SEMA4D: variants seen among roughly 807,000 people sequenced by gnomAD.
SEMA4D encodes the protein semaphorin-4D.
A neutral mutation model predicts 74.8 loss-of-function variants in SEMA4D; 22 were observed. The observed-to-expected ratio is 0.29, with a 90% CI of 0.21 to 0.42. SEMA4D has a LOEUF of 0.42. Among genes scored for constraint, SEMA4D ranks in the 10% least tolerant of loss-of-function variants. The pLI, the probability that SEMA4D is intolerant of heterozygous loss-of-function variation, is 1.00. For missense variants in SEMA4D, 937 were observed against 1,118.4 expected (o/e 0.84, Z 2.31); for synonymous variants, 445 against 463.7 (o/e 0.96, Z 0.52).
chr9:89,422,604 C>T lies in SEMA4D; in HGVS notation c.-243-16905G>A, dbSNP rs117211440. The stretch of plus-strand genomic sequence containing the variant: ...TCCCCGTGCCGTTTATTACGTGGTG[C>T]CCTCAGCAGCCTGTCACGGCTGTGC... On this transcript the variant is annotated intron_variant, in intron 2 of 15. Coordinates refer to ENST00000422704, the MANE Select transcript of SEMA4D (RefSeq NM_001371194.2). 1.1e-3 allele frequency among the ~76,000 whole-genome samples: 165 copies of T among 152,356 alleles called. 5 individuals carry two copies. In the East Asian group the frequency reaches 0.031, roughly 28 times the overall value.
intron 2 of SEMA4D, among the ~76,000 whole-genome samples, chr9:89,416,921 CT>C (rs912635998): frequency 1.3e-5 from 2 of 152,088 alleles, no homozygotes; most frequent in African/African-American, 4.8e-5. Context: ...CTTGCCATAC[CT>C]TTGACCTTTT....
rs536031411 is a variant in SEMA4D, at chr9:89,404,640, T to A, written c.106+711A>T. 2.8e-5 allele frequency among the ~76,000 whole-genome samples: 4 copies of A among 142,646 alleles called. No individual in the cohort carries two copies. In the East Asian group the frequency reaches 8.6e-4, roughly 31 times the overall value. The allele number at this position is 142,646 out of a possible 152,430, so 93.6% of individuals were successfully genotyped here. A position where few individuals can be genotyped will look rare whatever the true frequency, so the allele number is the denominator to read the frequency against. ...AGCATCCCAGGAAGTGGAGTCCCCA[T>A]CCCGACCTCAGCCACTCACCTCAGC... On this transcript the variant is annotated intron_variant, in intron 3 of 15. Transcript: ENST00000422704.
At chr9:89,473,309 T>C (rs1463685397) in intron 1 of SEMA4D, among the ~76,000 whole-genome samples, 3 of 152,180 alleles carry the variant, frequency 2.0e-5, no homozygotes, top group Non-Finnish European at 2.9e-5. Context: ...GCACAGGGTC[T>C]GACGCCTGTA....
chr9:89,459,169 C>G (rs1237669504), intron 1 of SEMA4D, among the ~76,000 whole-genome samples: 1 of 152,170 alleles, frequency 6.6e-6, no homozygotes, highest in East Asian at 1.9e-4. Context: ...TCTCATACTG[C>G]GGCCTGCAGC....
chr9:89,418,993 C>T (rs958961096), intron 2 of SEMA4D, among the ~76,000 whole-genome samples: 1 of 150,094 alleles, frequency 6.7e-6, no homozygotes, highest in African/African-American at 2.4e-5. Context: ...CCGTCCCTCC[C>T]ACCCAGGCCC....
chr9:89,437,329 C>T (rs1467975653), intron 2 of SEMA4D, among the ~76,000 whole-genome samples: 3 of 152,126 alleles, frequency 2.0e-5, no homozygotes, highest in Non-Finnish European at 4.4e-5. Context: ...TGCCCTCAGC[C>T]TGTAAGGAAG....
Position 89,379,626 on chromosome 9 carries a change from T to C in SEMA4D, c.1667A>G (p.Lys556Arg). Residue 556 changes from lysine (K) to arginine (R), a missense_variant, in exon 16 of 16, where the codon AAA becomes AGA. By Grantham distance (26) the Lys-to-Arg change is conservative (BLOSUM62 2). Transcript: ENST00000422704. ...ATGCTGCCGGTAACTTCCTTTACTT[T>C]TATCTGGAACATCAAAATAAACGTG... ...MSGDASVCPD[K>R]SKGSYRQHFF... The C allele has an allele frequency of 1.2e-6, 2 of 1,604,404 alleles. No individual in the cohort carries two copies.
chr9:89,488,715 A>G (rs1410475637), intron 1 of SEMA4D, among the ~76,000 whole-genome samples: 1 of 152,196 alleles, frequency 6.6e-6, no homozygotes, highest in Non-Finnish European at 1.5e-5. Flanking sequence ...AAATTACCAC[A>G]TTTTCAGAAG....
At chr9:89,496,226 G>A (rs543769354) in intron 1 of SEMA4D, among the ~76,000 whole-genome samples, 1 of 152,342 alleles carries the variant, frequency 6.6e-6, no homozygotes, top group African/African-American at 2.4e-5. Flanking sequence ...AACAGACTCT[G>A]GGTGTGCTTC....
rs939877744 is a variant in SEMA4D at position 89,492,442 on chromosome 9, C to T, written c.-310+5477G>A. 6.6e-6 allele frequency among the ~76,000 whole-genome samples: 1 copy of T among 152,114 alleles called. No homozygotes were observed. Among genetic ancestry groups the T allele is most frequent in the East Asian group, 1.9e-4 (1 of 5,188 alleles). On this transcript the variant is annotated intron_variant, in intron 1 of 15. Transcript: ENST00000422704. This position sits in a 1 kb window ranked among gnomAD's most constrained non-coding sequence, Gnocchi z 4.3. ...TTTCAAAATGTCATCTCTATAGCTA[C>T]AATATATTGCCAAGATTAGGGTCCC...
At chr9:89,487,628 G>A (rs549234092) in intron 1 of SEMA4D, among the ~76,000 whole-genome samples, 13 of 152,250 alleles carry the variant, frequency 8.5e-5, no homozygotes, top group African/African-American at 3.1e-4. Flanking sequence ...GAAAGATCTT[G>A]AGGGACTACA....
intron 16 of SEMA4D, chr9:89,368,269 G>A (rs1279129742): frequency 1.3e-5 from 2 of 152,310 alleles, no homozygotes; most frequent in African/African-American, 4.8e-5. Context: ...CCCCAGAGGG[G>A]CCATTCTCTG....
At chr9:89,424,754 C>T (rs904777335) in intron 2 of SEMA4D, among the ~76,000 whole-genome samples, 9 of 152,100 alleles carry the variant, frequency 5.9e-5, no homozygotes, top group Admixed American at 2.0e-4. Context: ...CCTGTGAGGC[C>T]TCCACCTGGC....
In SEMA4D at chr9:89,381,218, G is replaced by T. The variant is rs746191711; in HGVS notation, c.1575C>A (p.Pro525=). The change falls in exon 14 of 16, where the codon CCC becomes CCA. Residue 525 remains proline, a synonymous_variant. Coordinates refer to ENST00000422704, the MANE Select transcript of SEMA4D (RefSeq NM_001371194.2). This position sits in a 1 kb window ranked among gnomAD's most constrained non-coding sequence, Gnocchi z 4.6. ...GGTGCAGAGCCACGCAGGTCGCTGT[G>T]GGCGGGCTCCAGGCGCAGTAGGGGT... The part of the protein sequence containing the change: ...ARDPYCAWSP[P]TATCVALHQT... 6 of 1,608,370 alleles carry T rather than the reference G, an allele frequency of 3.7e-6. No individual in the cohort carries two copies. The East Asian group carries it at 1.3e-4, about 36-fold the overall frequency.
In SEMA4D at chr9:89,377,723, T is replaced by A. The variant is rs1360237823; in HGVS notation, c.*981A>T. ...CAAAGGCGCCCTTGTGAAGGTTCCA[T>A]CTGTCTCACAGGAGGTTCTGACCGA... On this transcript the variant is annotated 3_prime_UTR_variant, in exon 16 of 16. Transcript: ENST00000422704. 6.6e-6 allele frequency: 1 copy of A among 152,076 alleles called. No individual in the cohort carries two copies. The highest frequency in any genetic ancestry group is 1.5e-5 in the Non-Finnish European group (1 of 68,036). 9.4% of individuals were successfully genotyped at this position (152,076 alleles called of 1,614,324 possible).
intron 16 of SEMA4D, chr9:89,364,724 A>G (rs1027195419): frequency 2.2e-4 from 34 of 152,814 alleles, no homozygotes; most frequent in African/African-American, 7.2e-4. Flanking sequence ...ATCTGTTGCA[A>G]CCTGCCAGGG....
chr9:89,461,700 CTTTTTTTTTT>C lies in SEMA4D; in HGVS notation c.-309-5757_-309-5748del, dbSNP rs61696689. ...GGGCCAATGTGTATTTCTTTTTTCTCTTTTTTTTTTTTTTTTTTTGGAGACAGAGTCTCGC... is the reference window on the plus strand; with the variant it reads ...GGGCCAATGTGTATTTCTTTTTTCTCTTTTTTTTTGGAGACAGAGTCTCGC... On this transcript the variant is annotated intron_variant, in intron 1 of 15. Coordinates refer to ENST00000422704, the MANE Select transcript of SEMA4D (RefSeq NM_001371194.2). 6.8e-5 allele frequency among the ~76,000 whole-genome samples: 7 copies of C among 103,662 alleles called. No individual in the cohort carries two copies. The South Asian group carries it at 1.1e-3, about 17-fold the overall frequency. 68.0% of individuals were successfully genotyped at this position (103,662 alleles called of 152,430 possible). A position where few individuals can be genotyped will look rare whatever the true frequency, so the allele number is the denominator to read the frequency against.
chr9:89,447,774 C>T (rs545970236), intron 2 of SEMA4D, among the ~76,000 whole-genome samples: 1 of 151,366 alleles, frequency 6.6e-6, no homozygotes, highest in Non-Finnish European at 1.5e-5. Flanking sequence ...TCTGCCTCAG[C>T]CCACTGCCCC....
intron 4 of SEMA4D, among the ~76,000 whole-genome samples, chr9:89,402,180 C>T (rs1014302392): frequency 3.9e-5 from 6 of 152,106 alleles, no homozygotes; most frequent in Admixed American, 2.0e-4. Flanking sequence ...ATTTTAAATT[C>T]GGTTTGATTT....
Sources: gnomAD v4.1 joint callset for allele counts (sites outside exome capture counted in the v4.1 genomes callset) on GRCh38, gnomAD v4.1.1 for gene constraint, Gnocchi (gnomAD v3.1) non-coding constraint, MANE v1.5 for transcripts, NCBI Gene and HGNC (gene_info 2026-07-23, HGNC 2026-07-21) for gene names.